The following OR52N4 variants were observed in gnomAD, a reference collection of about 807,000 sequenced individuals.
The protein encoded by OR52N4 is olfactory receptor 52N4.
A neutral mutation model predicts 15.0 loss-of-function variants in OR52N4; 15 were observed. The ratio of observed to expected loss-of-function variants is 1.00; its 90% confidence interval spans 0.67 to 1.54. OR52N4 has a LOEUF of 1.54. Among genes scored for constraint, OR52N4 ranks in the 40% most tolerant of loss-of-function variants. The probability of loss-of-function intolerance (pLI) is 0.00; values close to 1 mark genes in which losing one functional copy is unlikely to be tolerated. For missense variants in OR52N4, 421 were observed against 394.0 expected, an observed-to-expected ratio of 1.07 and a Z score of -0.58; for synonymous variants, 143 against 143.7, an observed-to-expected ratio of 1.00 and a Z score of 0.03.
In OR52N4 at chr11:5,754,838, T is replaced by A; in HGVS notation, c.98T>A (p.Phe33Tyr). The A allele has an allele frequency of 6.2e-7, 1 of 1,613,810 alleles. No homozygotes were observed. Among genetic ancestry groups the A allele is most frequent in the Non-Finnish European group, 8.5e-7 (1 of 1,179,792 alleles). The change falls in exon 2 of 2, where the codon TTC (phenylalanine) becomes TAC (tyrosine). Residue 33 changes from phenylalanine (F) to tyrosine (Y), a missense_variant. Physicochemically the swap from Phe to Tyr is conservative, Grantham distance 22. Coordinates refer to ENST00000641350, the MANE Select transcript of OR52N4 (RefSeq NM_001005175.5). Reference protein sequence around the residue: ...EDTQLWISFPFCSMYVVAMVG... With the variant: ...EDTQLWISFPYCSMYVVAMVG... ...ACACAACTCTGGATTTCCTTCCCAT[T>A]CTGCTCTATGTATGTTGTGGCTATG... is the stretch of plus-strand genomic sequence containing the variant.
At chr11:5,738,226 A>G in the OR52N4 span, 4 of 152,250 alleles carry the variant, frequency 2.6e-5, no homozygotes, top group Non-Finnish European at 4.4e-5. Context: ...TGCGTGACAG[A>G]TTATAGTTCA....
At chr11:5,753,423 A>C (rs12364265), upstream of OR52N4, among the ~76,000 whole-genome samples, 26,270 of 152,020 alleles carry the variant, frequency 0.17, 2,415 homozygotes, top group East Asian at 0.25. Flanking sequence ...TTCATTGGCA[A>C]TTTTATTTCT....
upstream of OR52N4, among the ~76,000 whole-genome samples, chr11:5,750,917 A>G (rs1247068444): frequency 3.3e-5 from 5 of 152,056 alleles, no homozygotes; most frequent in African/African-American, 7.2e-5. Flanking sequence ...ATAAGCTGCT[A>G]TGTAATGTAA....
Position 5,755,180 on chromosome 11 carries a change from G to A in OR52N4, c.440G>A (p.Gly147Glu), listed in dbSNP as rs768410464. ...ACCAATCCTGTAATTGCAAAGGTTGGGACTGCCACCTTCCTGAGAGGGGTA... is the reference window on the plus strand; with the variant it reads ...ACCAATCCTGTAATTGCAAAGGTTGAGACTGCCACCTTCCTGAGAGGGGTA... ...ILTNPVIAKVGTATFLRGVLL... is the reference protein window; with the variant it reads ...ILTNPVIAKVETATFLRGVLL... Residue 147 changes from glycine (G) to glutamate (E), a missense_variant, in exon 2 of 2, where the codon GGG becomes GAG. Coordinates refer to ENST00000641350, the MANE Select transcript of OR52N4 (RefSeq NM_001005175.5). 1 of 1,613,916 alleles carries A rather than the reference G, an allele frequency of 6.2e-7. No homozygotes were observed. Among genetic ancestry groups the A allele is most frequent in the Non-Finnish European group, 8.5e-7 (1 of 1,179,956 alleles).
In OR52N4 at chr11:5,755,882, C is replaced by T. The variant is rs552219010; in HGVS notation, c.*176C>T. On this transcript the variant is annotated 3_prime_UTR_variant, in exon 2 of 2. Coordinates refer to ENST00000641350, the MANE Select transcript of OR52N4 (RefSeq NM_001005175.5). ...TCAACATCATTGGAAGGCCCACCAACATTTCTATAAATTTTTTACCTTCTC... is the reference window on the plus strand; with the variant it reads ...TCAACATCATTGGAAGGCCCACCAATATTTCTATAAATTTTTTACCTTCTC... 2.8e-6 allele frequency: 2 copies of T among 711,350 alleles called. No homozygotes were observed. The highest frequency in any genetic ancestry group is 4.5e-6 in the Non-Finnish European group (2 of 448,780). 44.1% of individuals were successfully genotyped at this position (711,350 alleles called of 1,614,324 possible).
At chr11:5,728,366 A>T in the OR52N4 span, among the ~76,000 whole-genome samples, 1 of 152,332 alleles carries the variant, frequency 6.6e-6, no homozygotes, top group East Asian at 1.9e-4. Flanking sequence ...AAGAAGATTA[A>T]GCTTGATTCT....
At chr11:5,751,675 C>CA (rs1337724474), upstream of OR52N4, among the ~76,000 whole-genome samples, 1 of 152,040 alleles carries the variant, frequency 6.6e-6, no homozygotes, top group Non-Finnish European at 1.5e-5. Context: ...TTAAAATTGA[C>CA]ATTTATTGAG....
the OR52N4 span, chr11:5,737,153 T>C: frequency 6.2e-7 from 1 of 1,614,010 alleles, no homozygotes. Flanking sequence ...GGTTCTGGCA[T>C]GGCTTGGAAT....
chr11:5,738,860 T>TGGTTACTGCCCTCTC, the OR52N4 span, among the ~76,000 whole-genome samples: 3 of 64,916 alleles, frequency 4.6e-5, 1 homozygote, highest in Non-Finnish European at 7.2e-5. Context: ...CTACTTTCCA[T>TGGTTACTGCCCTCTC]TAAACACATG....
the OR52N4 span, among the ~76,000 whole-genome samples, chr11:5,743,005 G>A: frequency 6.6e-6 from 1 of 152,088 alleles, no homozygotes; most frequent in Admixed American, 6.6e-5. Context: ...TGCACCCAAT[G>A]AGCACAGACA....
the OR52N4 span, chr11:5,726,517 C>T: frequency 7.6e-6 from 1 of 130,954 alleles, no homozygotes; most frequent in African/African-American, 2.9e-5. Context: ...ATCTCCTCAT[C>T]ACACTGATGT....
the OR52N4 span, among the ~76,000 whole-genome samples, chr11:5,744,964 A>C: frequency 6.6e-6 from 1 of 152,136 alleles, no homozygotes; most frequent in African/African-American, 2.4e-5. Context: ...ATTTTAATAC[A>C]TGTGGAAAAA....
the OR52N4 span, among the ~76,000 whole-genome samples, chr11:5,735,191 G>A: frequency 6.6e-6 from 1 of 151,738 alleles, no homozygotes; most frequent in Non-Finnish European, 1.5e-5. Context: ...CTTCCACCAT[G>A]GCAAAAATAT....
the OR52N4 span, among the ~76,000 whole-genome samples, chr11:5,728,624 T>C: frequency 6.6e-6 from 1 of 152,180 alleles, no homozygotes; most frequent in African/African-American, 2.4e-5. Flanking sequence ...AACTCCCTTG[T>C]GGAAGTTCAC....
chr11:5,732,974 T>G, the OR52N4 span, among the ~76,000 whole-genome samples: 2 of 151,990 alleles, frequency 1.3e-5, no homozygotes, highest in African/African-American at 2.4e-5. Context: ...AGAGTTATTT[T>G]GGGGTCATAA....
the OR52N4 span, among the ~76,000 whole-genome samples, chr11:5,741,556 T>C: frequency 3.3e-5 from 5 of 152,158 alleles, no homozygotes; most frequent in African/African-American, 1.2e-4. Flanking sequence ...ACCAGAAAAG[T>C]ATGTTCTATG....
chr11:5,742,216 T>C, the OR52N4 span, among the ~76,000 whole-genome samples: 1 of 151,960 alleles, frequency 6.6e-6, no homozygotes, highest in Admixed American at 6.6e-5. Context: ...TTGAGAAACA[T>C]AGGTTTATGT....
At chr11:5,731,564 C>A in the OR52N4 span, among the ~76,000 whole-genome samples, 3 of 151,964 alleles carry the variant, frequency 2.0e-5, no homozygotes, top group Non-Finnish European at 1.5e-5. Context: ...TAAAACATTA[C>A]CAAATGGTAG....
At chr11:5,749,006 T>C in the OR52N4 span, among the ~76,000 whole-genome samples, 2 of 152,058 alleles carry the variant, frequency 1.3e-5, no homozygotes, top group African/African-American at 4.8e-5. Flanking sequence ...CCAACATCTG[T>C]GTCTCTGAGA....
Sources: allele counts gnomAD v4.1 joint callset (sites outside exome capture counted in the v4.1 genomes callset), GRCh38; gene constraint gnomAD v4.1.1; transcripts MANE v1.5; gene names NCBI Gene and HGNC (gene_info 2026-07-23, HGNC 2026-07-21).